RPH3AL: variants seen among roughly 807,000 people sequenced by gnomAD.
The protein encoded by RPH3AL is rab effector Noc2.
Under a neutral mutation model 43.1 loss-of-function variants are expected in RPH3AL, and 38 were observed. The observed-to-expected ratio is 0.88, with a 90% CI of 0.68 to 1.15. The LOEUF (loss-of-function observed/expected upper bound fraction) is 1.15, where lower values mean the gene tolerates loss of function less well. Among genes scored for constraint, RPH3AL ranks in the 50% most tolerant of loss-of-function variants. The pLI, the probability that RPH3AL is intolerant of heterozygous loss-of-function variation, is 0.00. For synonymous variants in RPH3AL, 189 were observed against 176.3 expected (o/e 1.07, Z -0.57); for missense variants, 462 against 423.2 (o/e 1.09, Z -0.81).
At chr17:247,841 T>C (rs993173975) in intron 6 of RPH3AL, among the ~76,000 whole-genome samples, 1 of 152,164 alleles carries the variant, frequency 6.6e-6, no homozygotes. Flanking sequence ...AAACTCCTAG[T>C]GACAGGAAGC....
At chr17:272,349 C>G (rs554739567) in intron 6 of RPH3AL, among the ~76,000 whole-genome samples, 1 of 152,020 alleles carries the variant, frequency 6.6e-6, no homozygotes, top group African/African-American at 2.4e-5. Flanking sequence ...AGACTTGGAA[C>G]CAACCCAAAT....
rs1247727678 is a variant in RPH3AL, at chr17:347,016, T to C, written c.-213+5696A>G. On this transcript the variant is annotated intron_variant, in intron 1 of 9. Coordinates refer to ENST00000331302, the MANE Select transcript of RPH3AL (RefSeq NM_006987.4). Reference sequence around the variant, plus strand: ...GCTCACGCCTGTAATCCCAGCACTTTGGGAGGCCGAGGCGGGAGGATCACG... The same window carrying C: ...GCTCACGCCTGTAATCCCAGCACTTCGGGAGGCCGAGGCGGGAGGATCACG... Among the ~76,000 whole-genome samples, 7 of 135,184 alleles carry C rather than the reference T, an allele frequency of 5.2e-5. 2 individuals are homozygous for C. The highest frequency in any genetic ancestry group is 1.2e-4 in the Non-Finnish European group (7 of 59,384). The allele number at this position is 135,184 out of a possible 152,430, so 88.7% of individuals were successfully genotyped here.
At chr17:324,119 TGC>T (rs2044553437) in intron 3 of RPH3AL, among the ~76,000 whole-genome samples, 1 of 152,090 alleles carries the variant, frequency 6.6e-6, no homozygotes, top group Non-Finnish European at 1.5e-5. Context: ...GGAAACGAGG[TGC>T]GGAACGTAGC....
intron 5 of RPH3AL, among the ~76,000 whole-genome samples, chr17:317,232 G>A (rs74200996): frequency 6.8e-6 from 1 of 147,016 alleles, no homozygotes; most frequent in Non-Finnish European, 1.5e-5. Flanking sequence ...TGCAGTGCCT[G>A]TGCTCCACCT....
chr17:336,239 G>A (rs1279935914), intron 1 of RPH3AL, among the ~76,000 whole-genome samples: 1 of 152,218 alleles, frequency 6.6e-6, no homozygotes, highest in Non-Finnish European at 1.5e-5. Context: ...AGGGCAGCAA[G>A]ATAAGGTGAG....
chr17:293,689 G>A (rs770361469), intron 5 of RPH3AL, among the ~76,000 whole-genome samples: 11 of 152,212 alleles, frequency 7.2e-5, no homozygotes, highest in Non-Finnish European at 1.5e-4. Context: ...CGGCCAAGGG[G>A]TGGATGGGAT....
chr17:225,519 G>A lies in RPH3AL; in HGVS notation c.614-5783C>T, dbSNP rs2041088153. Among the ~76,000 whole-genome samples the A allele has an allele frequency of 6.6e-6, 1 of 152,178 alleles. No individual in the cohort carries two copies. Among genetic ancestry groups the A allele is most frequent in the Non-Finnish European group, 1.5e-5 (1 of 68,032 alleles). ...AGGTGGGAAGGAGCCAGGGATTCCT[G>A]CTGGGCTCCTGGAGCAAGTTGTTCC... On this transcript the variant is annotated intron_variant, in intron 7 of 9. Coordinates refer to ENST00000331302, the MANE Select transcript of RPH3AL (RefSeq NM_006987.4). This position sits in a 1 kb window ranked among gnomAD's most constrained non-coding sequence, Gnocchi z 4.4.
chr17:293,503 G>A (rs939416877), intron 5 of RPH3AL, among the ~76,000 whole-genome samples: 14 of 152,142 alleles, frequency 9.2e-5, no homozygotes, highest in Admixed American at 6.5e-4. Flanking sequence ...GCGGGGTCCA[G>A]GGGCCTCAGT....
intron 6 of RPH3AL, among the ~76,000 whole-genome samples, chr17:277,693 G>A (rs1012637723): frequency 2.0e-5 from 3 of 152,070 alleles, no homozygotes; most frequent in Admixed American, 6.5e-5. Flanking sequence ...AGTGGCTCAC[G>A]CCTGTAATCT....
intron 6 of RPH3AL, among the ~76,000 whole-genome samples, chr17:277,971 T>TA (rs1009594160): frequency 1.5e-4 from 22 of 150,660 alleles, no homozygotes; most frequent in Non-Finnish European, 2.1e-4. Context: ...ACAAAACAAA[T>TA]AAAAAAAACC....
At position 213,510 on chromosome 17, in the gene RPH3AL, G is replaced by A. The variant is rs565429012; in HGVS notation, c.*342C>T. 3.6e-5 allele frequency: 15 copies of A among 411,802 alleles called. No individual in the cohort carries two copies. The highest frequency in any genetic ancestry group is 3.2e-4 in the South Asian group (13 of 40,042). 25.5% of individuals were successfully genotyped at this position (411,802 alleles called of 1,614,324 possible). On this transcript the variant is annotated 3_prime_UTR_variant, in exon 10 of 10. Coordinates refer to ENST00000331302, the MANE Select transcript of RPH3AL (RefSeq NM_006987.4). ...AGCAACGGAGATAGCCCCACCGGGC[G>A]GCCCCTCTGACACTGCATGTGGGAA...
chr17:259,729 C>T (rs974146771), intron 6 of RPH3AL, among the ~76,000 whole-genome samples: 5 of 152,330 alleles, frequency 3.3e-5, no homozygotes, highest in South Asian at 2.1e-4. Flanking sequence ...CCGGGGTGTC[C>T]GGCAGCAGTA....
intron 5 of RPH3AL, among the ~76,000 whole-genome samples, chr17:285,876 G>A (rs140634940): frequency 5.7e-4 from 86 of 152,152 alleles, no homozygotes; most frequent in South Asian, 1.9e-3. Flanking sequence ...CCCCCATCCC[G>A]TCTAGCGCTC....
chr17:321,681 C>CTG (rs2044483973), intron 3 of RPH3AL: 1 of 437,776 alleles, frequency 2.3e-6, no homozygotes, highest in Non-Finnish European at 4.1e-6. Flanking sequence ...GGGGCAGGTG[C>CTG]TGTGTGCCGG....
intron 4 of RPH3AL, 32 bp downstream of exon 4, chr17:321,240 C>T (rs1047069043): frequency 1.9e-6 from 3 of 1,592,876 alleles, no homozygotes; most frequent in Non-Finnish European, 2.6e-6. Context: ...CCTTGCTGTC[C>T]TCCCACTGAG....
intron 7 of RPH3AL, 126 bp from the exon 8 acceptor site, chr17:219,862 T>G: frequency 1.5e-6 from 1 of 682,442 alleles, no homozygotes; most frequent in South Asian, 1.6e-5. Context: ...GCTGGCCCTT[T>G]CGCTTTGGGC....
intron 5 of RPH3AL, among the ~76,000 whole-genome samples, chr17:301,562 C>T (rs2043328367): frequency 6.6e-6 from 1 of 152,166 alleles, no homozygotes; most frequent in Non-Finnish European, 1.5e-5. Context: ...GCCTTGGCCT[C>T]CCAAGTAGCT....
chr17:221,837 A>T (rs542411387), intron 7 of RPH3AL, among the ~76,000 whole-genome samples: 22 of 126,496 alleles, frequency 1.7e-4, no homozygotes, highest in African/African-American at 7.1e-4. Context: ...CTGAGACAAC[A>T]GACCCAAGAA....
intron 5 of RPH3AL, among the ~76,000 whole-genome samples, chr17:315,540 C>A (rs1555520066): frequency 2.6e-5 from 4 of 152,210 alleles, no homozygotes; most frequent in African/African-American, 9.6e-5. Context: ...GTGCTCCCAC[C>A]TCCATTGACC....
Sources: gnomAD v4.1 joint callset for allele counts (sites outside exome capture counted in the v4.1 genomes callset) on GRCh38, gnomAD v4.1.1 for gene constraint, Gnocchi (gnomAD v3.1) non-coding constraint, MANE v1.5 for transcripts, NCBI Gene and HGNC (gene_info 2026-07-23, HGNC 2026-07-21) for gene names.